The following SENP7 variants were observed in gnomAD, a reference collection of about 807,000 sequenced individuals.
SENP7 encodes SUMO specific peptidase 7, also known as sentrin-specific protease 7.
A neutral mutation model predicts 141.2 loss-of-function variants in SENP7; 64 were observed. That is an observed-to-expected ratio of 0.45 (90% CI 0.37 to 0.56). The LOEUF (loss-of-function observed/expected upper bound fraction) is 0.56. Among genes scored for constraint, SENP7 ranks in the 20% least tolerant of loss-of-function variants. The pLI, the probability that SENP7 is intolerant of heterozygous loss-of-function variation, is 0.00. For missense variants in SENP7, 1,025 were observed against 1,212.2 expected (o/e 0.85, Z 2.29); for synonymous variants, 382 against 426.4 (o/e 0.90, Z 1.28).
intron 1 of SENP7, among the ~76,000 whole-genome samples, chr3:101,509,436 A>AT (rs903960030): frequency 2.0e-5 from 3 of 151,894 alleles, no homozygotes; most frequent in South Asian, 2.1e-4. Flanking sequence ...AAAGGCTAAC[A>AT]TTTTTTTTAC....
At position 101,513,202 on chromosome 3, in the gene SENP7, G is replaced by T. The variant is rs576787456; in HGVS notation, c.-72C>A. On this transcript the variant is annotated 5_prime_UTR_variant, in exon 1 of 24. Transcript: ENST00000394095. ...ACCCCTCCGGCTTGGAGAGGGAGGG[G>T]GAGGGGAAAGGAAAAAAAAAAAAAA... The T allele has an allele frequency of 1.4e-3, 1,166 of 814,344 alleles. 8 individuals are homozygous for T. The African/African-American group carries it at 0.02, about 14-fold the overall frequency. 50.4% of individuals were successfully genotyped at this position (814,344 alleles called of 1,614,324 possible). A position where few individuals can be genotyped will look rare whatever the true frequency, so the allele number is the denominator to read the frequency against.
At chr3:101,440,903 A>G (rs1321647397) in intron 4 of SENP7, among the ~76,000 whole-genome samples, 3 of 152,236 alleles carry the variant, frequency 2.0e-5, no homozygotes. Flanking sequence ...AAGAATATAA[A>G]TTACCATATG....
At chr3:101,416,977 A>T (rs1304288394) in intron 5 of SENP7, among the ~76,000 whole-genome samples, 11 of 152,162 alleles carry the variant, frequency 7.2e-5, no homozygotes, top group Non-Finnish European at 4.4e-5. Context: ...ATAGATTCCT[A>T]GAGCTAATTC....
chr3:101,457,419 G>A, intron 4 of SENP7: 4 of 1,547,206 alleles, frequency 2.6e-6, no homozygotes, highest in Non-Finnish European at 2.7e-6. Flanking sequence ...TAAGATGTTG[G>A]GTAGCATTTC....
In SENP7 at chr3:101,340,353, A is replaced by G. The variant is rs1473916954; in HGVS notation, c.2241-142T>C. 1.5e-5 allele frequency: 16 copies of G among 1,040,252 alleles called. No individual in the cohort carries two copies. In the East Asian group the frequency reaches 4.4e-4, roughly 29 times the overall value. The allele number at this position is 1,040,252 out of a possible 1,614,324, so 64.4% of individuals were successfully genotyped here. On this transcript the variant is annotated intron_variant, in intron 15 of 23. Transcript: ENST00000394095. Reference sequence around the variant, plus strand: ...AAAAAACATTTGACCAGGCATAAATAATGATATTTTCCTTCCTTTATCCTC... The same window carrying G: ...AAAAAACATTTGACCAGGCATAAATGATGATATTTTCCTTCCTTTATCCTC...
At chr3:101,387,533 A>C (rs2107527728) in intron 6 of SENP7, among the ~76,000 whole-genome samples, 1 of 152,250 alleles carries the variant, frequency 6.6e-6, no homozygotes, top group East Asian at 1.9e-4. Flanking sequence ...CACATCATTC[A>C]GGGACCTGGG....
At chr3:101,505,747 C>T (rs1228246644) in intron 1 of SENP7, among the ~76,000 whole-genome samples, 1 of 152,118 alleles carries the variant, frequency 6.6e-6, no homozygotes, top group Non-Finnish European at 1.5e-5. Context: ...CTCAGTTTCT[C>T]ATCTGTAAAA....
At chr3:101,358,185 T>C in intron 11 of SENP7, 1 of 597,318 alleles carries the variant, frequency 1.7e-6, no homozygotes, top group Non-Finnish European at 2.9e-6. Context: ...ATGTGATCAA[T>C]GTGGCAAAAC....
chr3:101,498,689 T>C (rs1411725407), intron 2 of SENP7, among the ~76,000 whole-genome samples: 2 of 152,162 alleles, frequency 1.3e-5, no homozygotes, highest in Non-Finnish European at 2.9e-5. Context: ...ATGATGTCTA[T>C]AGTTTAAAGC....
rs146621622 is a variant in SENP7 at position 101,483,709 on chromosome 3, T to C, written c.186+10164A>G. 3.9e-4 allele frequency among the ~76,000 whole-genome samples: 59 copies of C among 152,238 alleles called. 1 individual carries two copies. In the East Asian group the frequency reaches 9.1e-3, roughly 23 times the overall value. ...CAAAAGAATGATCTGGACAAAGACC[T>C]CACATCCTTCATAAAAATTAACACA... On this transcript the variant is annotated intron_variant, in intron 3 of 23. Transcript: ENST00000394095.
At chr3:101,406,002 C>T (rs1274139010) in intron 5 of SENP7, among the ~76,000 whole-genome samples, 2 of 152,148 alleles carry the variant, frequency 1.3e-5, no homozygotes, top group African/African-American at 4.8e-5. Context: ...TAAACTAGTT[C>T]AACCACTGTG....
chr3:101,372,939 G>A (rs1450569382), intron 6 of SENP7, among the ~76,000 whole-genome samples: 1 of 151,782 alleles, frequency 6.6e-6, no homozygotes, highest in African/African-American at 2.4e-5. Context: ...GTACATATTT[G>A]AAGTATTTCA....
Position 101,478,074 on chromosome 3 carries a change from C to T in SENP7, c.186+15799G>A, listed in dbSNP as rs1440907055. Among the ~76,000 whole-genome samples, 5 of 151,680 alleles carry T rather than the reference C, an allele frequency of 3.3e-5. No homozygotes were observed. The East Asian group carries it at 7.7e-4, about 23-fold the overall frequency. ...CATTCCAATTGATACCAGAGAAATA[C>T]AAAAGATTATCAGAGACTACTATGA... On this transcript the variant is annotated intron_variant, in intron 3 of 23. Coordinates refer to ENST00000394095, the MANE Select transcript of SENP7 (RefSeq NM_020654.5).
rs769559954 is a variant in SENP7, at chr3:101,372,015, C to G, written c.789G>C (p.Gln263His). 2.7e-6 allele frequency: 4 copies of G among 1,481,512 alleles called. No homozygotes were observed. The East Asian group carries it at 9.3e-5, about 35-fold the overall frequency. The allele number at this position is 1,481,512 out of a possible 1,614,324, so 91.8% of individuals were successfully genotyped here. Residue 263 changes from glutamine (Q) to histidine (H), a missense_variant, in exon 7 of 24, where the codon CAG (glutamine) becomes CAC (histidine). By Grantham distance (24) the Gln-to-His change is conservative (BLOSUM62 0). Transcript: ENST00000394095. The stretch of plus-strand genomic sequence containing the variant: ...TTTCTAAGGTTCACAAACCTTCAGG[C>G]TGAGTATCAGATATTAAAAGAGAAA... Reference protein sequence around the residue: ...DGISLLISDTQPEDLNSGSRG... With the variant: ...DGISLLISDTHPEDLNSGSRG...
intron 11 of SENP7, chr3:101,358,195 C>T: frequency 1.6e-6 from 1 of 641,002 alleles, no homozygotes; most frequent in Non-Finnish European, 2.6e-6. Context: ...TGTGGCAAAA[C>T]CTTCACCTGG....
intron 6 of SENP7, among the ~76,000 whole-genome samples, chr3:101,395,422 C>T (rs1224160198): frequency 6.6e-6 from 1 of 152,146 alleles, no homozygotes; most frequent in African/African-American, 2.4e-5. Context: ...GTTCTTGGCA[C>T]CTTTTGCTGA....
intron 6 of SENP7, among the ~76,000 whole-genome samples, chr3:101,376,345 A>G (rs1405981443): frequency 6.6e-6 from 1 of 152,172 alleles, no homozygotes; most frequent in African/African-American, 2.4e-5. Context: ...AATGGTTAAA[A>G]TGGCAATTTT....
intron 3 of SENP7, among the ~76,000 whole-genome samples, chr3:101,462,804 G>A (rs2063591096): frequency 1.3e-5 from 2 of 151,822 alleles, no homozygotes; most frequent in East Asian, 3.9e-4. Flanking sequence ...GGAGGCAGAG[G>A]TTGCAGTGAG....
At chr3:101,371,216 G>C (rs1450518744) in intron 7 of SENP7, among the ~76,000 whole-genome samples, 3 of 152,116 alleles carry the variant, frequency 2.0e-5, no homozygotes, top group Admixed American at 2.0e-4. Flanking sequence ...TTGAGCCCAG[G>C]AGGTAGATAG....
Sources: gnomAD v4.1 joint callset for allele counts (sites outside exome capture counted in the v4.1 genomes callset) on GRCh38, gnomAD v4.1.1 for gene constraint, MANE v1.5 for transcripts, NCBI Gene and HGNC (gene_info 2026-07-23, HGNC 2026-07-21) for gene names.